KCTD16: variants seen among roughly 807,000 people sequenced by gnomAD.
KCTD16 encodes the protein BTB/POZ domain-containing protein KCTD16.
Under a neutral mutation model 33.2 loss-of-function variants are expected in KCTD16, and 13 were observed. That is an observed-to-expected ratio of 0.39 (90% CI 0.25 to 0.62). KCTD16 has a LOEUF of 0.62. Ranked by LOEUF, KCTD16 falls within the 20% of genes least tolerant of loss-of-function variation. KCTD16 has a pLI of 0.50. For missense variants in KCTD16, 441 were observed against 525.1 expected (o/e 0.84, Z 1.57); for synonymous variants, 197 against 195.3 (o/e 1.01, Z -0.07).
intron 3 of KCTD16, among the ~76,000 whole-genome samples, chr5:144,407,939 T>C (rs765033248): frequency 7.2e-5 from 11 of 152,250 alleles, no homozygotes; most frequent in Non-Finnish European, 1.3e-4. Context: ...TTATCCAGTC[T>C]ATCATTGATA....
At chr5:144,356,700 T>C (rs1324618894) in intron 3 of KCTD16, among the ~76,000 whole-genome samples, 1 of 152,148 alleles carries the variant, frequency 6.6e-6, no homozygotes, top group Admixed American at 6.6e-5. Context: ...ATTTTCTTCC[T>C]TTATTCCTCT....
intron 3 of KCTD16, among the ~76,000 whole-genome samples, chr5:144,286,723 A>G (rs1755755633): frequency 6.6e-6 from 1 of 152,202 alleles, no homozygotes; most frequent in Admixed American, 6.5e-5. Context: ...CTCCATGATT[A>G]ATTTTAAGAA....
At chr5:144,277,909 A>T (rs1251685562) in intron 3 of KCTD16, among the ~76,000 whole-genome samples, 3 of 152,220 alleles carry the variant, frequency 2.0e-5, no homozygotes, top group Admixed American at 6.5e-5. Context: ...GATTTAAAAA[A>T]ATATATATTC....
intron 3 of KCTD16, among the ~76,000 whole-genome samples, chr5:144,235,533 A>C (rs1754227787): frequency 6.6e-6 from 1 of 152,112 alleles, no homozygotes; most frequent in Admixed American, 6.6e-5. Flanking sequence ...CTTATCTACA[A>C]AATGAGGATT....
chr5:144,336,345 A>G (rs907975262), intron 3 of KCTD16, among the ~76,000 whole-genome samples: 1 of 152,196 alleles, frequency 6.6e-6, no homozygotes, highest in African/African-American at 2.4e-5. Flanking sequence ...ACAATTGTGC[A>G]CAAAGTCTGC....
intron 3 of KCTD16, among the ~76,000 whole-genome samples, chr5:144,340,160 A>G (rs544857258): frequency 8.6e-4 from 131 of 152,166 alleles, no homozygotes; most frequent in African/African-American, 3.1e-3. Flanking sequence ...CACGCCTGTA[A>G]TCCCAGCACT....
chr5:144,294,707 A>G (rs1204639083), intron 3 of KCTD16, among the ~76,000 whole-genome samples: 1 of 152,186 alleles, frequency 6.6e-6, no homozygotes, highest in Non-Finnish European at 1.5e-5. Flanking sequence ...GACAGAATTG[A>G]GTGGGCAGAA....
intron 3 of KCTD16, among the ~76,000 whole-genome samples, chr5:144,388,122 G>C (rs1265354766): frequency 1.7e-5 from 2 of 115,748 alleles, no homozygotes; most frequent in Non-Finnish European, 3.2e-5. Context: ...CTGTTGCCCA[G>C]AGACTGGAGT....
intron 3 of KCTD16, among the ~76,000 whole-genome samples, chr5:144,317,277 T>TA (rs901545121): frequency 1.3e-4 from 20 of 151,948 alleles, no homozygotes; most frequent in Admixed American, 6.6e-4. Flanking sequence ...GGGCCGGCAC[T>TA]AAAAAAAAGA....
chr5:144,278,592 G>A (rs1007214294), intron 3 of KCTD16, among the ~76,000 whole-genome samples: 2 of 146,408 alleles, frequency 1.4e-5, no homozygotes, highest in African/African-American at 2.6e-5. Flanking sequence ...CCGCTTCCCG[G>A]ATTCACGCCA....
chr5:144,281,245 A>G (rs1755601503), intron 3 of KCTD16, among the ~76,000 whole-genome samples: 1 of 152,134 alleles, frequency 6.6e-6, no homozygotes, highest in South Asian at 2.1e-4. Flanking sequence ...TTTAAGTTCC[A>G]TATGCTGTTC....
At chr5:144,323,538 C>T (rs546674881) in intron 3 of KCTD16, among the ~76,000 whole-genome samples, 1 of 152,306 alleles carries the variant, frequency 6.6e-6, no homozygotes, top group Non-Finnish European at 1.5e-5. Flanking sequence ...AAGCCAAAGT[C>T]AGGCATGAAA....
intron 3 of KCTD16, among the ~76,000 whole-genome samples, chr5:144,318,152 C>G (rs147689331): frequency 6.6e-6 from 1 of 152,146 alleles, no homozygotes; most frequent in Non-Finnish European, 1.5e-5. Context: ...CTTGCGGTGA[C>G]CATTCTTGCA....
At chr5:144,401,036 T>C (rs1343427822) in intron 3 of KCTD16, among the ~76,000 whole-genome samples, 2 of 152,114 alleles carry the variant, frequency 1.3e-5, no homozygotes, top group Non-Finnish European at 2.9e-5. Flanking sequence ...CAGGGACATA[T>C]CATGAGACCT....
At chr5:144,357,848 G>A (rs1371053706) in intron 3 of KCTD16, among the ~76,000 whole-genome samples, 2 of 152,124 alleles carry the variant, frequency 1.3e-5, no homozygotes, top group Admixed American at 1.3e-4. Context: ...AGCCCTCCTT[G>A]TTAAAGTGTG....
chr5:144,250,553 G>A (rs369328428), intron 3 of KCTD16, among the ~76,000 whole-genome samples: 14 of 152,172 alleles, frequency 9.2e-5, no homozygotes, highest in South Asian at 4.1e-4. Flanking sequence ...CCTTTGTTCC[G>A]AGAAGTATAC....
chr5:144,377,506 C>T (rs918722719), intron 3 of KCTD16, among the ~76,000 whole-genome samples: 1 of 152,174 alleles, frequency 6.6e-6, no homozygotes, highest in African/African-American at 2.4e-5. Flanking sequence ...AAGAAAATGC[C>T]TCTCTGGGGC....
chr5:144,219,358 C>T (rs1464985457), intron 3 of KCTD16, among the ~76,000 whole-genome samples: 1 of 151,926 alleles, frequency 6.6e-6, no homozygotes. Context: ...GGATTACAGG[C>T]CCCCGCCACT....
At chr5:144,267,220 G>A (rs1387948258) in intron 3 of KCTD16, among the ~76,000 whole-genome samples, 1 of 152,144 alleles carries the variant, frequency 6.6e-6, no homozygotes, top group Non-Finnish European at 1.5e-5. Context: ...GTGTCAGATG[G>A]CCTGGTTTGA....
Sources: allele counts gnomAD v4.1 joint callset (sites outside exome capture counted in the v4.1 genomes callset), GRCh38; gene constraint gnomAD v4.1.1; transcripts MANE v1.5; gene names NCBI Gene and HGNC (gene_info 2026-07-23, HGNC 2026-07-21).